ACVR1: variants seen among roughly 807,000 people sequenced by gnomAD.
ACVR1 encodes activin receptor type-1.
In ACVR1, 38 loss-of-function variants were observed where a neutral mutation model predicts 57.1. That is an observed-to-expected ratio of 0.67 (90% CI 0.51 to 0.87). The LOEUF (loss-of-function observed/expected upper bound fraction) is 0.87. ACVR1 is among the 40% of genes least tolerant of loss of function. ACVR1 has a pLI of 0.00. For missense variants in ACVR1, 463 were observed against 638.2 expected (o/e 0.73, Z 2.96); for synonymous variants, 212 against 228.1 (o/e 0.93, Z 0.63).
intron 1 of ACVR1, among the ~76,000 whole-genome samples, chr2:157,863,104 C>A (rs985016493): frequency 2.1e-5 from 3 of 141,122 alleles, no homozygotes; most frequent in Admixed American, 7.4e-5. Context: ...TCACTGCAAC[C>A]TCCATCTCCC....
chr2:157,814,915 C>G (rs1442444993), intron 2 of ACVR1, among the ~76,000 whole-genome samples: 3 of 152,062 alleles, frequency 2.0e-5, no homozygotes, highest in African/African-American at 7.2e-5. Context: ...GAAACCCTGT[C>G]TCTACTGAAA....
At chr2:157,785,656 A>AT (rs1192620785) in intron 3 of ACVR1, among the ~76,000 whole-genome samples, 1 of 152,038 alleles carries the variant, frequency 6.6e-6, no homozygotes, top group South Asian at 2.1e-4. Flanking sequence ...AACTCAAATC[A>AT]TTTTTTTTCC....
intron 5 of ACVR1, among the ~76,000 whole-genome samples, chr2:157,776,735 G>A (rs1279346028): frequency 2.0e-5 from 3 of 152,180 alleles, no homozygotes; most frequent in Non-Finnish European, 4.4e-5. Flanking sequence ...TAGCATCTGT[G>A]CTACCCAGAT....
Position 157,865,865 on chromosome 2 carries a change from T to TAGATAGAC in ACVR1, c.-183+9930_-183+9931insGTCTATCT, listed in dbSNP as rs1553452950. The stretch of plus-strand genomic sequence containing the variant: ...ATAGATAGATAGATAGATAGATAGA[T>TAGATAGAC]TGACTGATTGATTTCTGCAGGCGTG... On this transcript the variant is annotated intron_variant, in intron 1 of 10. Transcript: ENST00000434821. 2.7e-5 allele frequency among the ~76,000 whole-genome samples: 4 copies of TAGATAGAC among 150,146 alleles called. No homozygotes were observed. In the East Asian group the frequency reaches 7.8e-4, roughly 29 times the overall value.
Position 157,776,600 on chromosome 2 carries a change from A to G in ACVR1, c.543+1531T>C, listed in dbSNP as rs550700642. Among the ~76,000 whole-genome samples the G allele has an allele frequency of 7.2e-5, 11 of 152,386 alleles. No individual in the cohort carries two copies. The South Asian group carries it at 1.9e-3, about 26-fold the overall frequency. On this transcript the variant is annotated intron_variant, in intron 5 of 10. Coordinates refer to ENST00000434821, the MANE Select transcript of ACVR1 (RefSeq NM_001111067.4). The stretch of plus-strand genomic sequence containing the variant: ...ACAGAAGGTTACTTCCCCCTTTTAC[A>G]TACCAAAAAGTGGCCCAGTGATGGA...
At chr2:157,871,648 G>A (rs1257741171) in intron 1 of ACVR1, among the ~76,000 whole-genome samples, 1 of 152,216 alleles carries the variant, frequency 6.6e-6, no homozygotes, top group Non-Finnish European at 1.5e-5. Flanking sequence ...CAACTGAATA[G>A]CCGTGGCTCT....
intron 4 of ACVR1, among the ~76,000 whole-genome samples, chr2:157,779,009 T>C (rs1686404711): frequency 6.6e-6 from 1 of 152,206 alleles, no homozygotes; most frequent in Non-Finnish European, 1.5e-5. Context: ...TACGTATTTG[T>C]TTAACTTTCC....
At chr2:157,836,184 T>C (rs1688776314) in intron 1 of ACVR1, among the ~76,000 whole-genome samples, 1 of 152,266 alleles carries the variant, frequency 6.6e-6, no homozygotes, top group African/African-American at 2.4e-5. Flanking sequence ...CTCTCTACTT[T>C]GCTGTGTAAA....
intron 1 of ACVR1, among the ~76,000 whole-genome samples, chr2:157,865,821 A>AAGATAGATAGATAGATAGATAGAT (rs57214423): frequency 2.9e-5 from 4 of 137,000 alleles, no homozygotes; most frequent in Non-Finnish European, 6.1e-5. Context: ...AAAAAGAAAA[A>AAGATAGATAGATAGATAGATAGAT]AGATAGATAG....
chr2:157,783,626 T>A (rs1686606373), intron 3 of ACVR1, among the ~76,000 whole-genome samples: 1 of 152,170 alleles, frequency 6.6e-6, no homozygotes, highest in East Asian at 1.9e-4. Flanking sequence ...TAACCTACCC[T>A]CCACAACTGG....
intron 1 of ACVR1, among the ~76,000 whole-genome samples, chr2:157,857,716 T>A (rs1689584026): frequency 6.6e-6 from 1 of 152,214 alleles, no homozygotes; most frequent in South Asian, 2.1e-4. Flanking sequence ...CAAGCAGCCT[T>A]GTCAGCACCG....
At chr2:157,834,229 T>C (rs112329208) in intron 1 of ACVR1, among the ~76,000 whole-genome samples, 2,085 of 152,232 alleles carry the variant, frequency 0.014, 53 homozygotes, top group African/African-American at 0.046. Flanking sequence ...GTAGCTGGGA[T>C]TACAGGTGCG....
intron 1 of ACVR1, among the ~76,000 whole-genome samples, chr2:157,852,872 T>C (rs978558891): frequency 6.6e-6 from 1 of 152,130 alleles, no homozygotes; most frequent in Non-Finnish European, 1.5e-5. Flanking sequence ...AGTTCAGCTG[T>C]ACCAACCTGC....
At chr2:157,801,314 C>T (rs1687320712) in intron 2 of ACVR1, among the ~76,000 whole-genome samples, 2 of 152,128 alleles carry the variant, frequency 1.3e-5, no homozygotes, top group African/African-American at 2.4e-5. Flanking sequence ...TCTGAAGGTC[C>T]GTTCAAGTGG....
At chr2:157,771,824 T>C (rs1360816687) in intron 6 of ACVR1, among the ~76,000 whole-genome samples, 2 of 152,210 alleles carry the variant, frequency 1.3e-5, no homozygotes, top group African/African-American at 2.4e-5. Context: ...TGGGCCACTG[T>C]TGGGTCACAC....
chr2:157,773,993 G>T (rs1420707555), intron 6 of ACVR1, 95 bp downstream of exon 6: 1 of 1,034,052 alleles, frequency 9.7e-7, no homozygotes, highest in Non-Finnish European at 1.5e-6. Context: ...GAAACAACAG[G>T]TAACAAAAAG....
chr2:157,854,190 C>T (rs72925239), intron 1 of ACVR1, among the ~76,000 whole-genome samples: 7,683 of 144,014 alleles, frequency 0.053, 219 homozygotes, highest in Non-Finnish European at 0.056. Context: ...CAATCAGACC[C>T]TAAAGGAGTA....
At chr2:157,784,074 T>C (rs1303367773) in intron 3 of ACVR1, among the ~76,000 whole-genome samples, 3 of 152,188 alleles carry the variant, frequency 2.0e-5, no homozygotes, top group African/African-American at 4.8e-5. Flanking sequence ...CGGATCTTAA[T>C]ATCCACAATT....
At chr2:157,833,234 C>T (rs1360974437) in intron 1 of ACVR1, among the ~76,000 whole-genome samples, 2 of 152,190 alleles carry the variant, frequency 1.3e-5, no homozygotes, top group Non-Finnish European at 2.9e-5. Flanking sequence ...TGTCTCCATA[C>T]TGCACAGGTT....
Sources: allele counts gnomAD v4.1 joint callset (sites outside exome capture counted in the v4.1 genomes callset), GRCh38; gene constraint gnomAD v4.1.1; transcripts MANE v1.5; gene names NCBI Gene and HGNC (gene_info 2026-07-23, HGNC 2026-07-21).